CRISP2: variants seen among roughly 807,000 people sequenced by gnomAD.
CRISP2 encodes the protein cysteine rich secretory protein 2.
In CRISP2, 29 loss-of-function variants were observed where a neutral mutation model predicts 31.7. The ratio of observed to expected loss-of-function variants is 0.92; its 90% confidence interval spans 0.68 to 1.25. The LOEUF is 1.25. CRISP2 is among the 50% of genes most tolerant of loss of function. The pLI is 0.00. For synonymous variants in CRISP2, 111 were observed against 101.4 expected (o/e 1.09, Z -0.57); for missense variants, 318 against 286.5 (o/e 1.11, Z -0.79).
downstream of CRISP2, among the ~76,000 whole-genome samples, chr6:49,688,306 G>A (rs889745919): frequency 2.0e-5 from 3 of 152,218 alleles, no homozygotes; most frequent in Non-Finnish European, 4.4e-5. Flanking sequence ...TTTGTGTTAT[G>A]TGGTGCTTCT....
At chr6:49,710,811 T>A (rs531133781) in intron 3 of CRISP2, among the ~76,000 whole-genome samples, 1 of 152,146 alleles carries the variant, frequency 6.6e-6, no homozygotes, top group Non-Finnish European at 1.5e-5. Flanking sequence ...TCATTCTCAA[T>A]ACAAATTTAT....
chr6:49,695,735 T>C (rs1561862888), intron 9 of CRISP2, 101 bp downstream of exon 9: 5 of 992,826 alleles, frequency 5.0e-6, no homozygotes, highest in Non-Finnish European at 7.4e-6. Flanking sequence ...CACCAATACA[T>C]TATTTCAATT....
chr6:49,712,330 T>C (rs762457248), intron 2 of CRISP2, among the ~76,000 whole-genome samples, 171 bp downstream of exon 2: 2 of 152,182 alleles, frequency 1.3e-5, no homozygotes, highest in Non-Finnish European at 2.9e-5. Flanking sequence ...ACCTCAACCA[T>C]CTAACCTATA....
chr6:49,709,315 C>A, intron 3 of CRISP2, 110 bp from the exon 4 acceptor site: 1 of 911,586 alleles, frequency 1.1e-6, no homozygotes, highest in South Asian at 1.6e-5. Flanking sequence ...CTGTGATTCC[C>A]AGATTCATTA....
At chr6:49,700,518 T>C in intron 5 of CRISP2, 150 bp downstream of exon 5, 2 of 607,514 alleles carry the variant, frequency 3.3e-6, no homozygotes, top group Non-Finnish European at 5.9e-6. Flanking sequence ...AAAACAAGAA[T>C]ACAATCCTCT....
intron 8 of CRISP2, 194 bp downstream of exon 8, chr6:49,697,666 G>C (rs755240808): frequency 2.7e-6 from 4 of 1,470,798 alleles, no homozygotes; most frequent in African/African-American, 1.4e-5. Context: ...GAGAGCTTCA[G>C]TTTTTATACC....
At position 49,692,878 on chromosome 6, in the gene CRISP2, A is replaced by G; in HGVS notation, c.627T>C (p.Asp209=). 1 of 1,613,672 alleles carries G rather than the reference A, an allele frequency of 6.2e-7. No individual in the cohort carries two copies. The highest frequency in any genetic ancestry group is 8.5e-7 in the Non-Finnish European group (1 of 1,179,674). ...TCAAGGAATCACAGTTACTTAGGAG[A>G]TCTTGATACTGGCAACTATTGGCTG... The part of the protein sequence containing the change: ...GLCTNSCQYQ[D]LLSNCDSLKN... Residue 209 remains aspartate, a synonymous_variant, in exon 10 of 10, where the codon GAT becomes GAC. Coordinates refer to ENST00000339139, the MANE Select transcript of CRISP2 (RefSeq NM_003296.4).
chr6:49,693,904 T>A (rs1440108425), intron 9 of CRISP2, among the ~76,000 whole-genome samples: 2 of 152,228 alleles, frequency 1.3e-5, no homozygotes, highest in Admixed American at 6.5e-5. Flanking sequence ...ACCCTAAAGA[T>A]TACACATTTC....
intron 4 of CRISP2, among the ~76,000 whole-genome samples, chr6:49,703,549 T>C (rs532163172): frequency 5.3e-5 from 8 of 152,256 alleles, no homozygotes; most frequent in Admixed American, 3.9e-4. Context: ...TGGTTAGGTA[T>C]ACTCCAAAGT....
At chr6:49,698,216 A>G (rs1765103783) in intron 7 of CRISP2, 146 bp downstream of exon 7, 1 of 926,888 alleles carries the variant, frequency 1.1e-6, no homozygotes, top group Admixed American at 3.2e-5. Context: ...GACAAAAATG[A>G]CAGCTCTACA....
At chr6:49,698,718 T>C (rs1765174041) in intron 6 of CRISP2, among the ~76,000 whole-genome samples, 2 of 152,092 alleles carry the variant, frequency 1.3e-5, no homozygotes, top group South Asian at 4.1e-4. Flanking sequence ...CCTGACCACA[T>C]AAAACTTTGA....
chr6:49,684,085 T>C, the CRISP2 span, among the ~76,000 whole-genome samples: 1 of 152,034 alleles, frequency 6.6e-6, no homozygotes, highest in South Asian at 2.1e-4. Flanking sequence ...TATCCTTGTT[T>C]CCTCATCCGT....
At chr6:49,699,766 CATTT>C (rs1454704747) in intron 6 of CRISP2, 34 bp downstream of exon 6, 3 of 1,362,082 alleles carry the variant, frequency 2.2e-6, no homozygotes, top group Non-Finnish European at 3.1e-6. Flanking sequence ...TTATTTTATT[CATTT>C]ATTTATTCAA....
chr6:49,691,969 G>T (rs1764075461), downstream of CRISP2, among the ~76,000 whole-genome samples: 1 of 152,026 alleles, frequency 6.6e-6, no homozygotes, highest in Non-Finnish European at 1.5e-5. Context: ...TCATCTATAA[G>T]ATGGGCTTAC....
At chr6:49,688,258 G>A (rs543601288), downstream of CRISP2, among the ~76,000 whole-genome samples, 3 of 152,262 alleles carry the variant, frequency 2.0e-5, no homozygotes, top group South Asian at 6.2e-4. Flanking sequence ...GCTTGAACAG[G>A]ATTCAGTTTT....
Position 49,698,472 on chromosome 6 carries a change from C to A in CRISP2, c.307G>T (p.Asp103Tyr). The A allele has an allele frequency of 6.2e-7, 1 of 1,612,810 alleles. No individual in the cohort carries two copies. The highest frequency in any genetic ancestry group is 8.5e-7 in the Non-Finnish European group (1 of 1,179,418). The change falls in exon 7 of 10, where the codon GAC (aspartate) becomes TAC (tyrosine). Residue 103 changes from aspartate (D) to tyrosine (Y), a missense_variant. Asp to Tyr is a radical substitution (Grantham distance 160). Coordinates refer to ENST00000339139, the MANE Select transcript of CRISP2 (RefSeq NM_003296.4). ...RCGENLYMSS[D>Y]PTSWSSAIQS... ...ATTGCAGAAGACCAGGAAGTAGGGT[C>A]ACTTGACATATAGAGATTCTCACCA...
the CRISP2 span, among the ~76,000 whole-genome samples, chr6:49,686,227 A>G: frequency 6.6e-6 from 1 of 152,244 alleles, no homozygotes; most frequent in Non-Finnish European, 1.5e-5. Context: ...AAAGCTGCAT[A>G]ATAATCAATT....
chr6:49,702,157 ATATATATAT>A (rs1269517531), intron 4 of CRISP2, among the ~76,000 whole-genome samples: 1 of 65,462 alleles, frequency 1.5e-5, no homozygotes, highest in African/African-American at 6.6e-5. Flanking sequence ...ATATATATAT[ATATATATAT>A]ATATATATAT....
chr6:49,679,040 T>C, the CRISP2 span, among the ~76,000 whole-genome samples: 3 of 152,180 alleles, frequency 2.0e-5, no homozygotes, highest in African/African-American at 7.2e-5. Flanking sequence ...CAGAATAAAA[T>C]ATAATGTTCT....
Sources: allele counts gnomAD v4.1 joint callset (sites outside exome capture counted in the v4.1 genomes callset), GRCh38; gene constraint gnomAD v4.1.1; transcripts MANE v1.5; gene names NCBI Gene and HGNC (gene_info 2026-07-23, HGNC 2026-07-21).